The following FGF14 variants were observed in gnomAD, a reference collection of about 807,000 sequenced individuals.
The protein encoded by FGF14 is fibroblast growth factor 14.
In FGF14, 5 loss-of-function variants were observed where a neutral mutation model predicts 25.5. The observed-to-expected ratio is 0.20, with a 90% CI of 0.10 to 0.41. The LOEUF (loss-of-function observed/expected upper bound fraction) is 0.41, where lower values mean the gene tolerates loss of function less well. FGF14 is among the 10% of genes least tolerant of loss of function. FGF14 has a pLI of 1.00. For synonymous variants in FGF14, 138 were observed against 118.3 expected (o/e 1.17, Z -1.08); for missense variants, 222 against 320.1 (o/e 0.69, Z 2.34).
intron 1 of FGF14, among the ~76,000 whole-genome samples, chr13:102,359,627 A>G (rs560674695): frequency 6.6e-6 from 1 of 152,302 alleles, no homozygotes; most frequent in South Asian, 2.1e-4. Context: ...GAAGATGTAC[A>G]GTGGTTTAGT....
At chr13:102,365,189 G>A (rs1268529618) in intron 1 of FGF14, among the ~76,000 whole-genome samples, 1 of 152,012 alleles carries the variant, frequency 6.6e-6, no homozygotes, top group Non-Finnish European at 1.5e-5. Flanking sequence ...TCGAGTCACA[G>A]CCCCTTTGAG....
intron 1 of FGF14, among the ~76,000 whole-genome samples, chr13:101,884,062 C>CAAAAAAAAAAAAAAAAAAAAAAAAAAAA (rs11315735): frequency 1.6e-4 from 6 of 37,832 alleles, no homozygotes; most frequent in African/African-American, 2.2e-4. Context: ...GACTCCATCT[C>CAAAAAAAAAAAAAAAAAAAAAAAAAAAA]AAAAAAAAAA....
rs554257054 is a variant in FGF14 at position 102,324,128 on chromosome 13, T to C, written c.208+77343A>G. 2.6e-5 allele frequency among the ~76,000 whole-genome samples: 4 copies of C among 152,190 alleles called. No individual in the cohort carries two copies. The East Asian group carries it at 7.7e-4, about 29-fold the overall frequency. On this transcript the variant is annotated intron_variant, in intron 1 of 4. Coordinates refer to the FGF14 transcript ENST00000376131. ...ATAATATTTTTACACTCAAGGACAA[T>C]AATCATAGCTATAAAATTCAGTGTG...
intron 3 of FGF14, among the ~76,000 whole-genome samples, chr13:101,781,257 A>G (rs906801177): frequency 6.6e-6 from 1 of 152,140 alleles, no homozygotes; most frequent in African/African-American, 2.4e-5. Context: ...ATTTTACTTC[A>G]AAGAGTTTAT....
chr13:102,293,896 T>C (rs988229358), intron 1 of FGF14: 2 of 152,202 alleles, frequency 1.3e-5, no homozygotes, highest in African/African-American at 2.4e-5. Flanking sequence ...AGCTTGGTAC[T>C]AGCAGCACTT....
chr13:101,779,710 ATCAT>A (rs1268434616), intron 3 of FGF14, among the ~76,000 whole-genome samples: 1 of 152,164 alleles, frequency 6.6e-6, no homozygotes, highest in Non-Finnish European at 1.5e-5. Context: ...ACTGAACACT[ATCAT>A]TATTATCTTA....
chr13:101,816,269 C>CAAAAAAAAAAAAAAAAAAAAAAAAAA (rs58615099), intron 3 of FGF14, among the ~76,000 whole-genome samples: 86 of 88,922 alleles, frequency 9.7e-4, no homozygotes, highest in East Asian at 2.5e-3. Flanking sequence ...GACTCCGTCT[C>CAAAAAAAAAAAAAAAAAAAAAAAAAA]AAAAAAAAAA....
chr13:102,239,080 A>AAAAAAAAC (rs1281204746), intron 1 of FGF14, among the ~76,000 whole-genome samples: 4 of 151,580 alleles, frequency 2.6e-5, no homozygotes, highest in African/African-American at 4.9e-5. Flanking sequence ...CGCTGGTTAA[A>AAAAAAAAC]AAAAAACAAA....
chr13:102,324,284 G>A (rs2056349405), intron 1 of FGF14, among the ~76,000 whole-genome samples: 1 of 152,122 alleles, frequency 6.6e-6, no homozygotes, highest in African/African-American at 2.4e-5. Flanking sequence ...GTGTTGTGAT[G>A]AAGAGCTTGG....
rs965842037 is a variant in FGF14, at chr13:102,068,711, G to A, written c.209-193415C>T. Among the ~76,000 whole-genome samples the A allele has an allele frequency of 3.9e-5, 6 of 152,194 alleles. No individual in the cohort carries two copies. In the South Asian group the frequency reaches 6.2e-4, roughly 16 times the overall value. ...CGCCGGGCCTTAGCTGCCTTCCCGC[G>A]GGGCAGGGCTCGGGACCTGCAGCCT... On this transcript the variant is annotated intron_variant, in intron 1 of 4. Coordinates refer to the FGF14 transcript ENST00000376131.
chr13:102,023,840 G>C (rs1294134814), intron 1 of FGF14, among the ~76,000 whole-genome samples: 1 of 151,998 alleles, frequency 6.6e-6, no homozygotes. Context: ...TAATGCACAA[G>C]AGGAGAATAA....
chr13:102,159,678 A>C (rs1304428913), intron 1 of FGF14, among the ~76,000 whole-genome samples: 1 of 152,186 alleles, frequency 6.6e-6, no homozygotes, highest in Non-Finnish European at 1.5e-5. Context: ...TATGCCAAGC[A>C]TCCTGCATGG....
At chr13:101,755,461 G>A (rs553283175) in intron 3 of FGF14, among the ~76,000 whole-genome samples, 5 of 151,996 alleles carry the variant, frequency 3.3e-5, no homozygotes, top group African/African-American at 7.3e-5. Context: ...TGATCACACC[G>A]CTGCACTCCA....
At chr13:101,965,047 G>A (rs550615545) in intron 1 of FGF14, among the ~76,000 whole-genome samples, 59 of 152,152 alleles carry the variant, frequency 3.9e-4, no homozygotes, top group African/African-American at 1.3e-3. Context: ...TTCAAAATCC[G>A]CCTGGCCAAC....
chr13:101,833,904 G>A (rs1566954889), intron 3 of FGF14, among the ~76,000 whole-genome samples: 1 of 152,096 alleles, frequency 6.6e-6, no homozygotes, highest in Admixed American at 6.6e-5. Context: ...GCTGATGAAT[G>A]CACTTTGTTA....
At chr13:102,005,432 T>A (rs1048911927) in intron 1 of FGF14, among the ~76,000 whole-genome samples, 5 of 152,188 alleles carry the variant, frequency 3.3e-5, no homozygotes, top group African/African-American at 9.7e-5. Flanking sequence ...GTTTTAATGC[T>A]TTTCATCTTT....
At chr13:102,004,793 AGT>A (rs897169492) in intron 1 of FGF14, among the ~76,000 whole-genome samples, 1 of 152,158 alleles carries the variant, frequency 6.6e-6, no homozygotes, top group Non-Finnish European at 1.5e-5. Context: ...TTCTCATGAT[AGT>A]GAGTGAATTC....
chr13:102,348,959 T>C (rs780881625), intron 1 of FGF14, among the ~76,000 whole-genome samples: 12 of 152,206 alleles, frequency 7.9e-5, no homozygotes, highest in African/African-American at 2.7e-4. Context: ...AGTGCTGCCC[T>C]CTGGTTTTAT....
At chr13:102,180,561 C>T (rs1300093448) in intron 1 of FGF14, among the ~76,000 whole-genome samples, 1 of 152,176 alleles carries the variant, frequency 6.6e-6, no homozygotes, top group African/African-American at 2.4e-5. Flanking sequence ...GATCCTCCTG[C>T]TTAGCCTCCC....
Sources: allele counts gnomAD v4.1 joint callset (sites outside exome capture counted in the v4.1 genomes callset), GRCh38; gene constraint gnomAD v4.1.1; transcripts MANE v1.5; gene names NCBI Gene and HGNC (gene_info 2026-07-23, HGNC 2026-07-21).